The following ANXA8 variants were observed in gnomAD, a reference collection of about 807,000 sequenced individuals.
ANXA8 encodes VAC-beta.
Under a neutral mutation model 26.8 loss-of-function variants are expected in ANXA8, and 9 were observed. The ratio of observed to expected loss-of-function variants is 0.34; its 90% CI spans 0.20 to 0.59. The LOEUF (loss-of-function observed/expected upper bound fraction) is 0.59, where lower values mean the gene tolerates loss of function less well. ANXA8 is among the 20% of genes least tolerant of loss of function. The pLI is 0.84. For synonymous variants in ANXA8, 39 were observed against 94.8 expected, an observed-to-expected ratio of 0.41 and a Z score of 3.42; for missense variants, 83 against 238.5, an observed-to-expected ratio of 0.35 and a Z score of 4.29.
upstream of ANXA8, among the ~76,000 whole-genome samples, chr10:47,485,657 T>G (rs1223497645): frequency 3.9e-5 from 6 of 152,100 alleles, no homozygotes; most frequent in East Asian, 1.2e-3. Context: ...TTTTACAAAT[T>G]ACTTCTCTTT....
At chr10:47,733,275 CTTTCTTTCTTTCTTTCTTTCTT>C in the ANXA8 span, among the ~76,000 whole-genome samples, 454 of 99,308 alleles carry the variant, frequency 4.6e-3, 1 homozygote, top group African/African-American at 9.6e-3. Flanking sequence ...TTCTTTCTTT[CTTTCTTTCTTTCTTTCTTTCTT>C]TTTTTTCTTT....
At chr10:47,631,139 C>T in the ANXA8 span, among the ~76,000 whole-genome samples, 1 of 150,050 alleles carries the variant, frequency 6.7e-6, no homozygotes, top group Non-Finnish European at 1.5e-5. Flanking sequence ...ATATGTTGAA[C>T]ATGAAAATCA....
At chr10:47,625,601 A>G in the ANXA8 span, among the ~76,000 whole-genome samples, 4 of 151,798 alleles carry the variant, frequency 2.6e-5, no homozygotes, top group Admixed American at 1.3e-4. Context: ...GCCAAATGGA[A>G]TAAACTTTTA....
chr10:47,736,707 T>A, the ANXA8 span, among the ~76,000 whole-genome samples: 69 of 148,824 alleles, frequency 4.6e-4, no homozygotes, highest in African/African-American at 1.5e-3. Flanking sequence ...CTGGCTGGAG[T>A]GCAGTGGTGC....
At chr10:47,970,732 C>T in the ANXA8 span, among the ~76,000 whole-genome samples, 4 of 151,524 alleles carry the variant, frequency 2.6e-5, no homozygotes, top group Non-Finnish European at 4.4e-5. Flanking sequence ...GTGTGTTTTT[C>T]ATTTTTCAAA....
the ANXA8 span, among the ~76,000 whole-genome samples, chr10:47,958,227 C>T: frequency 6.7e-6 from 1 of 149,958 alleles, no homozygotes; most frequent in Admixed American, 6.6e-5. Flanking sequence ...GCCTGTAATC[C>T]CAACACTTTG....
chr10:47,619,370 C>T, the ANXA8 span, among the ~76,000 whole-genome samples: 1 of 112,942 alleles, frequency 8.9e-6, no homozygotes, highest in East Asian at 2.2e-4. Flanking sequence ...AGAATGTCCA[C>T]GAGTCAGCTC....
chr10:47,510,803 C>T, the ANXA8 span, among the ~76,000 whole-genome samples: 9 of 93,440 alleles, frequency 9.6e-5, no homozygotes, highest in Admixed American at 1.1e-3. Flanking sequence ...GCACTCCAGG[C>T]CGGGAGACAA....
the ANXA8 span, among the ~76,000 whole-genome samples, chr10:47,664,205 G>A: frequency 4.0e-4 from 61 of 151,876 alleles, 2 homozygotes; most frequent in Non-Finnish European, 6.6e-4. Context: ...GTGAAACCCC[G>A]TCTCTACTAA....
chr10:47,688,474 T>G, the ANXA8 span, among the ~76,000 whole-genome samples: 1 of 150,712 alleles, frequency 6.6e-6, no homozygotes, highest in Non-Finnish European at 1.5e-5. Context: ...CAGGCTGGAG[T>G]GCAGTGGTGA....
the ANXA8 span, among the ~76,000 whole-genome samples, chr10:47,694,805 A>C: frequency 3.8e-4 from 57 of 151,696 alleles, no homozygotes; most frequent in Non-Finnish European, 6.9e-4. Context: ...AACTTCTAGC[A>C]ATAGAATGAA....
chr10:47,699,565 G>A, the ANXA8 span, among the ~76,000 whole-genome samples: 11 of 151,412 alleles, frequency 7.3e-5, no homozygotes, highest in Middle Eastern at 3.4e-3. Context: ...AGTGGTTTGC[G>A]TCTGTAATTC....
chr10:47,967,200 G>T, the ANXA8 span, among the ~76,000 whole-genome samples: 7 of 149,784 alleles, frequency 4.7e-5, no homozygotes, highest in Admixed American at 4.0e-4. Flanking sequence ...CCCAGTCCTG[G>T]CCTCACTCTC....
the ANXA8 span, among the ~76,000 whole-genome samples, chr10:47,900,934 G>GTA: frequency 6.7e-6 from 1 of 148,584 alleles, no homozygotes; most frequent in Admixed American, 6.7e-5. Context: ...GGTTACAATG[G>GTA]TACAATTCAG....
chr10:47,669,299 T>G, the ANXA8 span, among the ~76,000 whole-genome samples: 1 of 150,954 alleles, frequency 6.6e-6, no homozygotes, highest in Non-Finnish European at 1.5e-5. Flanking sequence ...TTCCTGAGCC[T>G]TTTGAAGATT....
chr10:47,660,319 G>T, the ANXA8 span, among the ~76,000 whole-genome samples: 1 of 150,122 alleles, frequency 6.7e-6, no homozygotes. Context: ...ACGAATGTTG[G>T]GCATATTATT....
At chr10:47,528,004 C>T in the ANXA8 span, among the ~76,000 whole-genome samples, 1 of 145,206 alleles carries the variant, frequency 6.9e-6, no homozygotes, top group African/African-American at 2.5e-5. Context: ...GGAGAAAGGA[C>T]CATGTGACAC....
At chr10:47,960,116 G>C in the ANXA8 span, among the ~76,000 whole-genome samples, 1 of 148,814 alleles carries the variant, frequency 6.7e-6, no homozygotes. Context: ...TCCTTCAACT[G>C]TGAAAGATGG....
chr10:47,690,091 G>A, the ANXA8 span: 1 of 1,105,380 alleles, frequency 9.0e-7, no homozygotes, highest in Non-Finnish European at 1.3e-6. Flanking sequence ...TAAAAGCACA[G>A]TTCCGCATTT....
Sources: allele counts gnomAD v4.1 joint callset (sites outside exome capture counted in the v4.1 genomes callset), GRCh38; gene constraint gnomAD v4.1.1; transcripts MANE v1.5; gene names NCBI Gene and HGNC (gene_info 2026-07-23, HGNC 2026-07-21).